Variants in WDR27 observed in about 807,000 individuals in gnomAD.
The protein encoded by WDR27 is WD repeat-containing protein 27.
WDR27 carries 100 observed loss-of-function variants against 114.4 expected under a neutral mutation model. The observed-to-expected ratio is 0.87, with a 90% CI of 0.74 to 1.03. The LOEUF (loss-of-function observed/expected upper bound fraction) is 1.03, where lower values mean the gene tolerates loss of function less well. Among genes scored for constraint, WDR27 ranks in the 50% least tolerant of loss-of-function variants. The pLI is 0.00. For synonymous variants in WDR27, 449 were observed against 423.1 expected, an observed-to-expected ratio of 1.06 and a Z score of -0.75; for missense variants, 1,129 against 1,092.9, an observed-to-expected ratio of 1.03 and a Z score of -0.47.
intron 23 of WDR27, among the ~76,000 whole-genome samples, chr6:169,598,040 T>C (rs1187832063): frequency 2.6e-5 from 4 of 152,102 alleles, no homozygotes; most frequent in South Asian, 2.1e-4. Context: ...TTGCATCTCA[T>C]AACCTAGTTA....
At chr6:169,595,955 C>CA (rs556219541) in intron 23 of WDR27, among the ~76,000 whole-genome samples, 340 of 151,776 alleles carry the variant, frequency 2.2e-3, no homozygotes, top group South Asian at 8.1e-3. Context: ...GTTTTTTTAA[C>CA]AAAAAAAGAT....
At chr6:169,525,791 G>A (rs1169706072) in intron 25 of WDR27, among the ~76,000 whole-genome samples, 2 of 152,124 alleles carry the variant, frequency 1.3e-5, no homozygotes, top group Admixed American at 6.5e-5. Context: ...GCACTCTCAT[G>A]TTTATTACAG....
chr6:169,547,402 T>C (rs895078042), intron 25 of WDR27, among the ~76,000 whole-genome samples: 9 of 152,176 alleles, frequency 5.9e-5, no homozygotes, highest in Non-Finnish European at 1.3e-4. Flanking sequence ...ATATTTCTCA[T>C]GTAGACAGAT....
intron 1 of WDR27, among the ~76,000 whole-genome samples, chr6:169,693,018 G>A (rs1784903611): frequency 6.6e-6 from 1 of 152,150 alleles, no homozygotes; most frequent in Non-Finnish European, 1.5e-5. Flanking sequence ...ATCACAAAAT[G>A]ATTATGACCT....
intron 7 of WDR27, 190 bp downstream of exon 7, chr6:169,665,296 G>A: frequency 7.4e-7 from 1 of 1,353,146 alleles, no homozygotes; most frequent in Non-Finnish European, 9.5e-7. Flanking sequence ...CCGCAGACCA[G>A]GGGGCCCAGG....
intron 25 of WDR27, among the ~76,000 whole-genome samples, chr6:169,570,184 A>C (rs2128126044): frequency 6.6e-6 from 1 of 152,324 alleles, no homozygotes; most frequent in African/African-American, 2.4e-5. Flanking sequence ...CAAGGAAACC[A>C]CAGGTGCTCT....
chr6:169,690,757 T>C (rs533458987), intron 1 of WDR27, among the ~76,000 whole-genome samples: 4 of 152,288 alleles, frequency 2.6e-5, no homozygotes, highest in East Asian at 3.9e-4. Context: ...TCCCAGCCCC[T>C]TGACTGAGAA....
intron 3 of WDR27, 141 bp downstream of exon 3, chr6:169,672,112 TAA>T (rs1453998391): frequency 6.2e-6 from 5 of 804,982 alleles, no homozygotes; most frequent in Non-Finnish European, 9.3e-6. Context: ...GGGTTCAAGG[TAA>T]AGAGAGTACA....
chr6:169,581,340 G>C (rs1262902785), intron 24 of WDR27, among the ~76,000 whole-genome samples: 2 of 151,962 alleles, frequency 1.3e-5, no homozygotes, highest in Non-Finnish European at 2.9e-5. Flanking sequence ...CACCCTGCTG[G>C]GTCTAGCTTT....
intron 1 of WDR27, chr6:169,689,403 G>C (rs1783869265): frequency 6.5e-6 from 1 of 154,828 alleles, no homozygotes; most frequent in African/African-American, 2.4e-5. Flanking sequence ...CTAAACGTTG[G>C]TTACTGAAAT....
At chr6:169,589,099 T>C (rs938977484) in intron 23 of WDR27, among the ~76,000 whole-genome samples, 1 of 152,234 alleles carries the variant, frequency 6.6e-6, no homozygotes, top group Admixed American at 6.5e-5. Flanking sequence ...ATTTTGCTAT[T>C]TTTAATTCAG....
At chr6:169,635,300 C>T (rs1456043933) in intron 19 of WDR27, among the ~76,000 whole-genome samples, 1 of 152,122 alleles carries the variant, frequency 6.6e-6, no homozygotes, top group African/African-American at 2.4e-5. Flanking sequence ...CAGGAGAATC[C>T]CATGAACTCG....
chr6:169,532,197 CTT>C (rs138959062), intron 25 of WDR27, among the ~76,000 whole-genome samples: 2,564 of 152,110 alleles, frequency 0.017, 62 homozygotes, highest in African/African-American at 0.057. Context: ...CTTTTTCAAA[CTT>C]ATATTTTTTC....
chr6:169,603,949 A>G lies in WDR27; in HGVS notation c.2322-1628T>C, dbSNP rs148360794. ...CACAACGTAGTAAAGCCTGTATGATACAGTAAAAGTAGTGTCAAGAGGAAA... is the reference window on the plus strand; with the variant it reads ...CACAACGTAGTAAAGCCTGTATGATGCAGTAAAAGTAGTGTCAAGAGGAAA... On this transcript the variant is annotated intron_variant, in intron 22 of 25. Transcript: ENST00000448612. Among the ~76,000 whole-genome samples, 165 of 152,346 alleles carry G rather than the reference A, an allele frequency of 1.1e-3. 1 individual carries two copies. The East Asian group carries it at 0.023, about 21-fold the overall frequency.
intron 25 of WDR27, among the ~76,000 whole-genome samples, chr6:169,571,859 C>T (rs1030255399): frequency 6.6e-6 from 1 of 152,058 alleles, no homozygotes; most frequent in Non-Finnish European, 1.5e-5. Flanking sequence ...CAAAAAACTA[C>T]AACACACACC....
At chr6:169,508,200 C>A (rs1792265393) in intron 25 of WDR27, among the ~76,000 whole-genome samples, 1 of 151,964 alleles carries the variant, frequency 6.6e-6, no homozygotes, top group South Asian at 2.1e-4. Flanking sequence ...CAGCAGTGAT[C>A]AGAAAAACAA....
In WDR27 at chr6:169,668,183, C is replaced by A; in HGVS notation, c.459G>T (p.Gln153His). 1 of 1,614,002 alleles carries A rather than the reference C, an allele frequency of 6.2e-7. No homozygotes were observed. The highest frequency in any genetic ancestry group is 2.2e-5 in the East Asian group (1 of 44,886). ...GTTCTATGTATGTCACAGAAAATCG[C>A]TGCTATTAAAATAAAGCCCAAATTA... ...GNKIFMLDIE[Q>H]RFSVTYIERP... is the part of the protein sequence containing the mutation. Residue 153 changes from glutamine (Q) to histidine (H), a missense_variant and splice_region_variant, in exon 5 of 26, where the codon CAG (glutamine) becomes CAT (histidine). By Grantham distance (24) the Gln-to-His change is conservative. Transcript: ENST00000448612.
rs566525488 is a variant in WDR27 at position 169,462,204 on chromosome 6, C to T, written c.2646-4570G>A. On this transcript the variant is annotated intron_variant, in intron 25 of 25. Transcript: ENST00000448612. ...ATGGCTCACACCTGTAATCTCAGCA[C>T]TTTGGGAGGCCGAGGTGGTCACCTG... 4.6e-5 allele frequency among the ~76,000 whole-genome samples: 7 copies of T among 151,636 alleles called. No homozygotes were observed. In the South Asian group the frequency reaches 1.5e-3, roughly 32 times the overall value.
At chr6:169,571,113 T>G (rs1405460056) in intron 25 of WDR27, among the ~76,000 whole-genome samples, 1 of 152,220 alleles carries the variant, frequency 6.6e-6, no homozygotes, top group Non-Finnish European at 1.5e-5. Flanking sequence ...TTTTATCCCA[T>G]GTAAAAACCA....
Sources: allele counts gnomAD v4.1 joint callset (sites outside exome capture counted in the v4.1 genomes callset), GRCh38; gene constraint gnomAD v4.1.1; transcripts MANE v1.5; gene names NCBI Gene and HGNC (gene_info 2026-07-23, HGNC 2026-07-21).